Variants in MARCHF2 observed in about 807,000 individuals in gnomAD.
MARCHF2 encodes the protein membrane associated ring-CH-type finger 2, also known as E3 ubiquitin-protein ligase MARCHF2.
A neutral mutation model predicts 24.0 loss-of-function variants in MARCHF2; 22 were observed. That is an observed-to-expected ratio of 0.92 (90% CI 0.66 to 1.31). MARCHF2 has a LOEUF of 1.31. MARCHF2 is among the 50% of genes most tolerant of loss of function. MARCHF2 has a pLI of 0.00. For missense variants in MARCHF2, 301 were observed against 335.3 expected (o/e 0.90, Z 0.80); for synonymous variants, 154 against 153.0 (o/e 1.01, Z -0.05).
Position 8,430,858 on chromosome 19 carries a change from C to T in MARCHF2, c.573C>T (p.Leu191=). Reference sequence around the variant, plus strand: ...TCGCCCTCTTCACCATCTATGTCCTCTGGACGCTGGTGAGTGGCTGTGGTT... The same window carrying T: ...TCGCCCTCTTCACCATCTATGTCCTTTGGACGCTGGTGAGTGGCTGTGGTT... The part of the protein sequence containing the change: ...LTIALFTIYV[L]WTLVSFRYHC... Residue 191 remains leucine, a synonymous_variant, in exon 4 of 5, where the codon CTC becomes CTT. Coordinates refer to ENST00000215555, the MANE Select transcript of MARCHF2 (RefSeq NM_001005415.2). This position sits in a 1 kb window ranked among gnomAD's most constrained non-coding sequence, Gnocchi z 4.4. 6.2e-7 allele frequency: 1 copy of T among 1,600,442 alleles called. No homozygotes were observed. Among genetic ancestry groups the T allele is most frequent in the Non-Finnish European group, 8.5e-7 (1 of 1,175,328 alleles).
intron 2 of MARCHF2, among the ~76,000 whole-genome samples, chr19:8,424,843 A>C (rs1274132094): frequency 6.6e-6 from 1 of 152,130 alleles, no homozygotes; most frequent in Non-Finnish European, 1.5e-5. Flanking sequence ...GGAATAGATT[A>C]TCGGTGACTC....
chr19:8,413,615 T>G (rs1295370837), intron 1 of MARCHF2, 195 bp downstream of exon 1: 1 of 152,024 alleles, frequency 6.6e-6, no homozygotes, highest in East Asian at 1.9e-4. Flanking sequence ...CATAGGCGCC[T>G]CTCCGAGCCT....
In MARCHF2 at chr19:8,430,768, CG is replaced by C; in HGVS notation, c.487del (p.Ala163ProfsTer54). On this transcript the variant is annotated frameshift_variant, in exon 4 of 5. Coordinates refer to ENST00000215555, the MANE Select transcript of MARCHF2 (RefSeq NM_001005415.2). LOFTEE classifies it high-confidence loss of function. The surrounding 1 kb of genome is among the most constrained non-coding windows in gnomAD (Gnocchi z 4.4). ...AAISGWLCLRGAQDHLRLHSQ... is the reference protein window; with the variant it reads ...AAISGWLCLRXAQDHLRLHSQ... ...CCATCTCAGGCTGGTTGTGCCTGCG[CG>C]GGGCCCAGGACCACCTCCGGCTCCA... is the stretch of plus-strand genomic sequence containing the variant. 1 of 1,611,314 alleles carries C rather than the reference CG, an allele frequency of 6.2e-7. No homozygotes were observed. The highest frequency in any genetic ancestry group is 8.5e-7 in the Non-Finnish European group (1 of 1,180,018).
intron 4 of MARCHF2, among the ~76,000 whole-genome samples, chr19:8,436,759 C>A (rs958689956): frequency 6.8e-6 from 1 of 147,974 alleles, no homozygotes; most frequent in East Asian, 2.0e-4. Context: ...CTCGGCTTAC[C>A]GCAGCCTCCG....
chr19:8,436,685 T>C (rs1203791595), intron 4 of MARCHF2, among the ~76,000 whole-genome samples: 11 of 144,140 alleles, frequency 7.6e-5, no homozygotes, highest in African/African-American at 2.1e-4. Flanking sequence ...TTCTTTTTTT[T>C]TTTTTTTTTT....
chr19:8,435,910 G>A (rs1236639528), intron 4 of MARCHF2, among the ~76,000 whole-genome samples: 1 of 151,080 alleles, frequency 6.6e-6, no homozygotes, highest in African/African-American at 2.4e-5. Flanking sequence ...AGGCTGCAGT[G>A]CAGTGTGGCG....
At chr19:8,419,036 T>A (rs1599700327) in intron 1 of MARCHF2, among the ~76,000 whole-genome samples, 1 of 151,888 alleles carries the variant, frequency 6.6e-6, no homozygotes, top group East Asian at 1.9e-4. Context: ...TTCAAGGAGG[T>A]CTCCAGAAAG....
chr19:8,427,587 G>A (rs576871153), intron 3 of MARCHF2: 1 of 151,906 alleles, frequency 6.6e-6, no homozygotes, highest in Admixed American at 6.6e-5. Context: ...GGAAAAACAT[G>A]TCACAGGGGG....
intron 1 of MARCHF2, among the ~76,000 whole-genome samples, chr19:8,415,205 T>C (rs969537724): frequency 3.3e-5 from 5 of 151,544 alleles, no homozygotes; most frequent in African/African-American, 4.9e-5. Flanking sequence ...AGGACCAGCC[T>C]GGGCAACTTG....
Position 8,430,817 on chromosome 19 carries a change from C to T in MARCHF2, c.532C>T (p.Leu178Phe), listed in dbSNP as rs1967562373. The change falls in exon 4 of 5, where the codon CTC (leucine) becomes TTC (phenylalanine). Residue 178 changes from leucine (L) to phenylalanine (F), a missense_variant. By Grantham distance (22) the Leu-to-Phe change is conservative (BLOSUM62 0). Transcript: ENST00000215555. This position sits in a 1 kb window ranked among gnomAD's most constrained non-coding sequence, Gnocchi z 4.4. ...CCACAGCCAGCTGGAGGCCGTGGGTCTCATTGCCCTCACCATCGCCCTCTT... is the reference window on the plus strand; with the variant it reads ...CCACAGCCAGCTGGAGGCCGTGGGTTTCATTGCCCTCACCATCGCCCTCTT... ...RLHSQLEAVG[L>F]IALTIALFTI... 1.2e-6 allele frequency: 2 copies of T among 1,610,616 alleles called. No homozygotes were observed. The highest frequency in any genetic ancestry group is 1.7e-5 in the Admixed American group (1 of 59,970).
Position 8,422,014 on chromosome 19 carries a change from G to C in MARCHF2, c.174G>C (p.Pro58=), listed in dbSNP as rs199908447. ...LSTVIRALDT[P]SDGPFCRICH... is the part of the protein sequence containing the mutation. The stretch of plus-strand genomic sequence containing the variant: ...CCGTCATCCGTGCCTTGGACACACC[G>C]AGGTGAGTGGTGACTGCGTGGATAT... Residue 58 remains proline (P), a splice_region_variant and synonymous_variant, in exon 2 of 5, where the codon CCG becomes CCC. Coordinates refer to ENST00000215555, the MANE Select transcript of MARCHF2 (RefSeq NM_001005415.2). 5.0e-6 allele frequency: 8 copies of C among 1,606,732 alleles called. 1 individual carries two copies. The Admixed American group carries it at 1.4e-4, about 27-fold the overall frequency.
intron 1 of MARCHF2, chr19:8,418,551 G>T (rs1425866304): frequency 6.6e-6 from 1 of 152,664 alleles, no homozygotes; most frequent in Non-Finnish European, 1.5e-5. Context: ...TGGAGACTGG[G>T]TCTTGCTCTG....
At chr19:8,422,598 G>C (rs1967278749) in intron 2 of MARCHF2, among the ~76,000 whole-genome samples, 1 of 151,852 alleles carries the variant, frequency 6.6e-6, no homozygotes, top group Admixed American at 6.6e-5. Context: ...TCGCCATGTT[G>C]GCCAGGCTGG....
At chr19:8,421,620 C>T (rs1206610024) in intron 1 of MARCHF2, among the ~76,000 whole-genome samples, 169 bp from the exon 2 acceptor site, 2 of 152,244 alleles carry the variant, frequency 1.3e-5, no homozygotes, top group African/African-American at 4.8e-5. Flanking sequence ...GCATCGTCTC[C>T]TTGAATCCTC....
chr19:8,426,559 T>A (rs1457995859), intron 2 of MARCHF2, 50 bp from the exon 3 acceptor site: 2 of 1,504,092 alleles, frequency 1.3e-6, no homozygotes, highest in Non-Finnish European at 1.8e-6. Context: ...GTGAAGCAGG[T>A]ATAGACAGAA....
At chr19:8,417,875 GTC>G (rs1162320332) in intron 1 of MARCHF2, among the ~76,000 whole-genome samples, 1 of 142,790 alleles carries the variant, frequency 7.0e-6, no homozygotes, top group African/African-American at 2.6e-5. Flanking sequence ...TGATTCTCCT[GTC>G]TCAGCCTCCC....
intron 2 of MARCHF2, among the ~76,000 whole-genome samples, chr19:8,425,165 G>A (rs1261672077): frequency 6.6e-6 from 1 of 152,020 alleles, no homozygotes; most frequent in African/African-American, 2.4e-5. Context: ...CACGAGGTCA[G>A]GAGATTGAGA....
chr19:8,417,501 G>C (rs976638559), intron 1 of MARCHF2, among the ~76,000 whole-genome samples: 4 of 152,006 alleles, frequency 2.6e-5, no homozygotes, highest in Admixed American at 2.6e-4. Flanking sequence ...GCAGTGGCGT[G>C]ATCTCAGCTC....
intron 3 of MARCHF2, among the ~76,000 whole-genome samples, chr19:8,427,418 C>G (rs1967436003): frequency 6.6e-6 from 1 of 151,818 alleles, no homozygotes; most frequent in Non-Finnish European, 1.5e-5. Flanking sequence ...GCACTGGGGA[C>G]CCAGCCACCA....
Sources: allele counts gnomAD v4.1 joint callset (sites outside exome capture counted in the v4.1 genomes callset), GRCh38; gene constraint gnomAD v4.1.1; non-coding constraint Gnocchi (gnomAD v3.1); transcripts MANE v1.5; gene names NCBI Gene and HGNC (gene_info 2026-07-23, HGNC 2026-07-21).